The following HEMK2 variants were observed in gnomAD, a reference collection of about 807,000 sequenced individuals.
The protein encoded by HEMK2 is HemK methyltransferase 2, ETF1 glutamine and histone H4 lysine, also known as methyltransferase HEMK2.
At chr21:28,867,593 A>G in the HEMK2 span, among the ~76,000 whole-genome samples, 1 of 152,228 alleles carries the variant, frequency 6.6e-6, no homozygotes, top group Non-Finnish European at 1.5e-5. Flanking sequence ...CTTTTGGGTC[A>G]GAGACAAGGA....
At chr21:28,663,602 G>T in the HEMK2 span, among the ~76,000 whole-genome samples, 1 of 152,190 alleles carries the variant, frequency 6.6e-6, no homozygotes. Flanking sequence ...TCAACATTAG[G>T]TGCCAACTTT....
chr21:28,786,667 CA>C, the HEMK2 span, among the ~76,000 whole-genome samples: 5,001 of 91,950 alleles, frequency 0.054, 214 homozygotes, highest in African/African-American at 0.16. Flanking sequence ...GTGAGACTGT[CA>C]AAAAAAAAAA....
chr21:28,601,897 C>T, the HEMK2 span, among the ~76,000 whole-genome samples: 2 of 152,194 alleles, frequency 1.3e-5, no homozygotes, highest in African/African-American at 4.8e-5. Flanking sequence ...AGCCCTTGGA[C>T]ACATCCTGTT....
At chr21:28,858,576 G>GAGGA in the HEMK2 span, among the ~76,000 whole-genome samples, 2 of 151,768 alleles carry the variant, frequency 1.3e-5, no homozygotes, top group African/African-American at 4.8e-5. Context: ...GGAAGGGAGG[G>GAGGA]AGGAAGGAAG....
At chr21:28,624,060 G>T in the HEMK2 span, among the ~76,000 whole-genome samples, 1 of 152,038 alleles carries the variant, frequency 6.6e-6, no homozygotes, top group Non-Finnish European at 1.5e-5. Context: ...AAAACTAGAA[G>T]GCTGTAAAAC....
the HEMK2 span, among the ~76,000 whole-genome samples, chr21:28,863,772 T>A: frequency 6.6e-6 from 1 of 152,214 alleles, no homozygotes; most frequent in Admixed American, 6.5e-5. Flanking sequence ...GAAACTGTTC[T>A]TATTCCTTGG....
chr21:28,683,834 A>G, the HEMK2 span, among the ~76,000 whole-genome samples: 1 of 152,246 alleles, frequency 6.6e-6, no homozygotes, highest in African/African-American at 2.4e-5. Context: ...AAAGACTGTG[A>G]GCAATTGCAC....
the HEMK2 span, among the ~76,000 whole-genome samples, chr21:28,664,885 ATATT>A: frequency 2.6e-5 from 4 of 152,144 alleles, no homozygotes; most frequent in African/African-American, 4.8e-5. Flanking sequence ...TTAAAAATTA[ATATT>A]TATTATAAGT....
the HEMK2 span, among the ~76,000 whole-genome samples, chr21:28,709,645 T>A: frequency 2.0e-5 from 3 of 152,174 alleles, no homozygotes; most frequent in Non-Finnish European, 4.4e-5. Context: ...TAGCTTTTCC[T>A]TGTCTGTCTT....
At chr21:28,698,642 T>A in the HEMK2 span, among the ~76,000 whole-genome samples, 1 of 152,180 alleles carries the variant, frequency 6.6e-6, no homozygotes, top group East Asian at 1.9e-4. Context: ...ACTGCAATTT[T>A]ATGAAGGATT....
At chr21:28,699,618 T>G in the HEMK2 span, among the ~76,000 whole-genome samples, 2 of 152,220 alleles carry the variant, frequency 1.3e-5, no homozygotes, top group African/African-American at 4.8e-5. Flanking sequence ...TTTAGTTCGA[T>G]TTAAGATTTT....
the HEMK2 span, among the ~76,000 whole-genome samples, chr21:28,815,382 A>T: frequency 1.0e-2 from 1,487 of 149,148 alleles, 13 homozygotes; most frequent in African/African-American, 0.033. Context: ...AATAATAATT[A>T]AAAAAAAAAG....
the HEMK2 span, among the ~76,000 whole-genome samples, chr21:28,697,779 A>C: frequency 1.3e-4 from 6 of 46,142 alleles, no homozygotes; most frequent in Admixed American, 2.4e-4. Context: ...TCATGAGCCC[A>C]AAAAAAAAAA....
chr21:28,868,634 A>G, the HEMK2 span, among the ~76,000 whole-genome samples: 1 of 152,298 alleles, frequency 6.6e-6, no homozygotes, highest in South Asian at 2.1e-4. Flanking sequence ...CCGTGAGCCA[A>G]GTTCACGCCA....
At chr21:28,812,274 T>C in the HEMK2 span, among the ~76,000 whole-genome samples, 2 of 152,176 alleles carry the variant, frequency 1.3e-5, no homozygotes, top group African/African-American at 4.8e-5. Flanking sequence ...ATATTGGCTG[T>C]GGGTTGGTCA....
chr21:28,860,834 G>C, the HEMK2 span, among the ~76,000 whole-genome samples: 1 of 152,154 alleles, frequency 6.6e-6, no homozygotes, highest in African/African-American at 2.4e-5. Flanking sequence ...ACCAAGTAGG[G>C]ACTCTGCATT....
At chr21:28,576,846 G>T in the HEMK2 span, among the ~76,000 whole-genome samples, 1 of 152,132 alleles carries the variant, frequency 6.6e-6, no homozygotes, top group Non-Finnish European at 1.5e-5. Flanking sequence ...GAGTAGCTGG[G>T]ATGGGAGGCG....
At chr21:28,847,201 C>T in the HEMK2 span, among the ~76,000 whole-genome samples, 7 of 152,194 alleles carry the variant, frequency 4.6e-5, no homozygotes, top group East Asian at 9.6e-4. Flanking sequence ...ATCTTCAGAC[C>T]GCTTTCCACG....
At chr21:28,610,264 C>T in the HEMK2 span, among the ~76,000 whole-genome samples, 2 of 152,088 alleles carry the variant, frequency 1.3e-5, no homozygotes, top group Non-Finnish European at 2.9e-5. Context: ...CTTCCTTAAA[C>T]AAAACAATTA....
Sources: allele counts gnomAD v4.1 joint callset (sites outside exome capture counted in the v4.1 genomes callset), GRCh38; gene constraint gnomAD v4.1.1; transcripts MANE v1.5; gene names NCBI Gene and HGNC (gene_info 2026-07-23, HGNC 2026-07-21).